The following SCARA3 variants were observed in gnomAD, a reference collection of about 807,000 sequenced individuals.
SCARA3 encodes scavenger receptor class A member 3.
Under a neutral mutation model 47.0 loss-of-function variants are expected in SCARA3, and 39 were observed. The ratio of observed to expected loss-of-function variants is 0.83; its 90% CI spans 0.64 to 1.08. SCARA3 has a LOEUF of 1.08. SCARA3 is among the 50% of genes least tolerant of loss of function. The probability of loss-of-function intolerance (pLI) is 0.00; values close to 1 mark genes in which losing one functional copy is unlikely to be tolerated. For missense variants in SCARA3, 724 were observed against 792.3 expected (o/e 0.91, Z 1.04); for synonymous variants, 356 against 334.1 (o/e 1.07, Z -0.71).
At chr8:27,694,947 G>A in the SCARA3 span, among the ~76,000 whole-genome samples, 1 of 152,154 alleles carries the variant, frequency 6.6e-6, no homozygotes, top group African/African-American at 2.4e-5. Flanking sequence ...TACAGTTGTA[G>A]GTTTGGGTCA....
At chr8:27,670,427 G>A (rs1416219924) in intron 5 of SCARA3, among the ~76,000 whole-genome samples, 1 of 152,204 alleles carries the variant, frequency 6.6e-6, no homozygotes. Context: ...TCTCTGGGCT[G>A]TCACTGTGCC....
the SCARA3 span, among the ~76,000 whole-genome samples, chr8:27,704,855 G>A: frequency 6.6e-6 from 1 of 152,162 alleles, no homozygotes. Flanking sequence ...CCTCTCTGGA[G>A]GGAGGCTGAG....
the SCARA3 span, among the ~76,000 whole-genome samples, chr8:27,688,121 A>G: frequency 2.6e-4 from 39 of 152,314 alleles, no homozygotes; most frequent in African/African-American, 9.1e-4. Flanking sequence ...GTTCCAAGAA[A>G]CTTTCAACTA....
chr8:27,699,193 G>A, the SCARA3 span, among the ~76,000 whole-genome samples: 1,518 of 151,404 alleles, frequency 0.01, 21 homozygotes, highest in African/African-American at 0.033. Context: ...GCAGTGAGCC[G>A]AGATTGCGCC....
At chr8:27,679,982 A>G (rs570525481), downstream of SCARA3, 2 of 152,260 alleles carry the variant, frequency 1.3e-5, no homozygotes, top group African/African-American at 4.8e-5. Flanking sequence ...CTAAATAACC[A>G]TAGATCAGAA....
intron 1 of SCARA3, 21 bp from the exon 2 acceptor site, chr8:27,649,680 GA>G: frequency 3.7e-6 from 6 of 1,611,842 alleles, no homozygotes; most frequent in Non-Finnish European, 5.1e-6. Flanking sequence ...CTTTGGGTCT[GA>G]CGGCACTGGC....
chr8:27,676,829 T>A (rs947232012), downstream of SCARA3: 2 of 387,464 alleles, frequency 5.2e-6, no homozygotes, highest in Non-Finnish European at 9.3e-6. Context: ...TGGACACCAC[T>A]GCTCAAACCC....
chr8:27,653,852 A>AT (rs948621336), intron 3 of SCARA3, among the ~76,000 whole-genome samples: 3 of 152,110 alleles, frequency 2.0e-5, no homozygotes, highest in African/African-American at 7.2e-5. Context: ...GATTATGGCC[A>AT]TTTTTTTCTG....
At chr8:27,660,445 A>G (rs1232876312) in intron 5 of SCARA3, among the ~76,000 whole-genome samples, 1 of 152,076 alleles carries the variant, frequency 6.6e-6, no homozygotes, top group Non-Finnish European at 1.5e-5. Flanking sequence ...ATCCAGAGAA[A>G]CAGAATCAAT....
chr8:27,697,964 A>G, the SCARA3 span, among the ~76,000 whole-genome samples: 1 of 152,206 alleles, frequency 6.6e-6, no homozygotes, highest in Non-Finnish European at 1.5e-5. Flanking sequence ...AGACTAATAC[A>G]CTTTCAATCC....
intron 5 of SCARA3, among the ~76,000 whole-genome samples, chr8:27,661,408 A>G (rs1185780604): frequency 6.6e-6 from 1 of 152,244 alleles, no homozygotes; most frequent in Admixed American, 6.5e-5. Flanking sequence ...TCTTTTGCTT[A>G]TACCCTGTAA....
At chr8:27,727,791 G>C in the SCARA3 span, among the ~76,000 whole-genome samples, 4 of 152,326 alleles carry the variant, frequency 2.6e-5, no homozygotes, top group Non-Finnish European at 4.4e-5. Flanking sequence ...TCAAAGCAGA[G>C]AGCAAGAAGG....
At chr8:27,675,023 G>A (rs1802245576), downstream of SCARA3, among the ~76,000 whole-genome samples, 1 of 152,074 alleles carries the variant, frequency 6.6e-6, no homozygotes, top group Non-Finnish European at 1.5e-5. Flanking sequence ...CACCGTGCCA[G>A]GCTGCCTGGG....
chr8:27,694,173 G>C, the SCARA3 span, among the ~76,000 whole-genome samples: 1 of 152,170 alleles, frequency 6.6e-6, no homozygotes, highest in African/African-American at 2.4e-5. Context: ...GCCTCATTAA[G>C]CCTCTGTTTT....
At position 27,671,706 on chromosome 8, in the gene SCARA3, GCATGCACACATACACATGCACACACA is replaced by G. The variant is rs1250638195; in HGVS notation, c.*368_*393del. 2.9e-5 allele frequency: 31 copies of G among 1,056,638 alleles called. No homozygotes were observed. The highest frequency in any genetic ancestry group is 4.2e-4 in the Middle Eastern group (1 of 2,382). The allele number at this position is 1,056,638 out of a possible 1,614,324, so 65.5% of individuals were successfully genotyped here. ...CGTGCACACATACACAGGCACACAT[GCATGCACACATACACATGCACACACA>G]CATGCACACATATATGCACAGGCAC... On this transcript the variant is annotated 3_prime_UTR_variant, in exon 6 of 6. Coordinates refer to ENST00000301904, the MANE Select transcript of SCARA3 (RefSeq NM_016240.3).
chr8:27,707,435 A>C, the SCARA3 span, among the ~76,000 whole-genome samples: 1 of 151,514 alleles, frequency 6.6e-6, no homozygotes, highest in South Asian at 2.1e-4. Flanking sequence ...GCTGCTATGA[A>C]AAAAGGAACA....
chr8:27,694,507 A>C, the SCARA3 span, among the ~76,000 whole-genome samples: 3 of 152,354 alleles, frequency 2.0e-5, no homozygotes, highest in Middle Eastern at 6.8e-3. Flanking sequence ...TTTAAAATAC[A>C]GTAATGACAT....
At chr8:27,668,951 G>A (rs1324157572) in intron 5 of SCARA3, among the ~76,000 whole-genome samples, 4 of 152,206 alleles carry the variant, frequency 2.6e-5, no homozygotes, top group African/African-American at 9.7e-5. Context: ...GAAGGTGAGA[G>A]GGCCCCAGCT....
At chr8:27,729,673 C>T in the SCARA3 span, among the ~76,000 whole-genome samples, 2 of 152,016 alleles carry the variant, frequency 1.3e-5, no homozygotes, top group Non-Finnish European at 2.9e-5. Context: ...CGCCTGTAGT[C>T]CCAACTACTC....
Sources: gnomAD v4.1 joint callset for allele counts (sites outside exome capture counted in the v4.1 genomes callset) on GRCh38, gnomAD v4.1.1 for gene constraint, MANE v1.5 for transcripts, NCBI Gene and HGNC (gene_info 2026-07-23, HGNC 2026-07-21) for gene names.